Variants in CTNNA2 observed in about 807,000 individuals in gnomAD.
CTNNA2 encodes the protein catenin alpha 2, also known as catenin alpha-2.
In CTNNA2, 42 loss-of-function variants were observed where a neutral mutation model predicts 101.0. The observed-to-expected ratio is 0.42, with a 90% CI of 0.32 to 0.54. The LOEUF (loss-of-function observed/expected upper bound fraction) is 0.54, where lower values mean the gene tolerates loss of function less well. CTNNA2 is among the 20% of genes least tolerant of loss of function. The pLI, the probability that CTNNA2 is intolerant of heterozygous loss-of-function variation, is 0.14. For synonymous variants in CTNNA2, 450 were observed against 456.4 expected (o/e 0.99, Z 0.18); for missense variants, 871 against 1,223.1 (o/e 0.71, Z 4.29).
chr2:80,591,909 C>T (rs1696547114), intron 15 of CTNNA2, among the ~76,000 whole-genome samples: 2 of 152,098 alleles, frequency 1.3e-5, no homozygotes, highest in African/African-American at 4.8e-5. Context: ...GTCTTTTTCC[C>T]ACTCAGTTCT....
rs191159179 is a variant in CTNNA2, at chr2:79,626,315, G to A, written c.-5-25237G>A. Among the ~76,000 whole-genome samples the A allele has an allele frequency of 2.0e-5, 3 of 152,274 alleles. No homozygotes were observed. In the East Asian group the frequency reaches 5.8e-4, roughly 29 times the overall value. ...CTTCAGGCAAGGCTTTTCAGGATAA[G>A]GGATGTGTGATTTTGATGTTGAACC... On this transcript the variant is annotated intron_variant, in intron 1 of 18. Coordinates refer to ENST00000402739, the MANE Select transcript of CTNNA2 (RefSeq NM_001282597.3).
At chr2:79,998,250 T>G (rs1692692681) in intron 7 of CTNNA2, among the ~76,000 whole-genome samples, 1 of 152,212 alleles carries the variant, frequency 6.6e-6, no homozygotes, top group Admixed American at 6.5e-5. Flanking sequence ...TTTAAATACA[T>G]GTCTGTTGCC....
At chr2:79,328,591 A>G (rs147505016) in intron 3 of CTNNA2, among the ~76,000 whole-genome samples, 52 of 152,270 alleles carry the variant, frequency 3.4e-4, no homozygotes, top group African/African-American at 1.2e-3. Context: ...GATGTTGATC[A>G]TGATGATGAT....
intron 1 of CTNNA2, among the ~76,000 whole-genome samples, chr2:79,518,415 A>G (rs1317978608): frequency 3.9e-5 from 6 of 152,236 alleles, no homozygotes; most frequent in African/African-American, 9.6e-5. Flanking sequence ...ATAATAGAAA[A>G]TTAATAGAAA....
chr2:79,419,773 G>A (rs1429665093), intron 4 of CTNNA2, among the ~76,000 whole-genome samples: 2 of 151,984 alleles, frequency 1.3e-5, no homozygotes, highest in South Asian at 2.1e-4. Context: ...TCAAAAACAG[G>A]TATATTCTCT....
At chr2:80,017,014 A>T (rs149937651) in intron 7 of CTNNA2, among the ~76,000 whole-genome samples, 100 of 152,296 alleles carry the variant, frequency 6.6e-4, no homozygotes, top group Non-Finnish European at 1.2e-3. Context: ...CAGGATCCTG[A>T]TTCTATTTGA....
intron 7 of CTNNA2, among the ~76,000 whole-genome samples, chr2:80,229,619 T>G (rs974303846): frequency 1.3e-5 from 2 of 152,118 alleles, no homozygotes; most frequent in African/African-American, 4.8e-5. Flanking sequence ...ACTCCATCCT[T>G]TGGGTTTTAT....
chr2:79,886,296 A>G (rs1396467394), intron 6 of CTNNA2, among the ~76,000 whole-genome samples: 1 of 152,160 alleles, frequency 6.6e-6, no homozygotes, highest in Non-Finnish European at 1.5e-5. Context: ...ATGCAGTTGT[A>G]TGGTGGGTAA....
chr2:80,317,712 T>G (rs1678264958), intron 7 of CTNNA2, among the ~76,000 whole-genome samples: 1 of 152,142 alleles, frequency 6.6e-6, no homozygotes, highest in Non-Finnish European at 1.5e-5. Context: ...ACCACACACA[T>G]TCAGAAATCT....
rs571160208 is a variant in CTNNA2 at position 79,370,497 on chromosome 2, G to A, written c.-317-3334G>A. Among the ~76,000 whole-genome samples the A allele has an allele frequency of 1.7e-3, 262 of 152,336 alleles. 1 individual carries two copies. Among genetic ancestry groups the A allele is most frequent in the Middle Eastern group, 3.4e-3 (1 of 294 alleles). On this transcript the variant is annotated intron_variant, in intron 3 of 21. Coordinates refer to the CTNNA2 transcript ENST00000466387. The stretch of plus-strand genomic sequence containing the variant: ...ATCATTGGAAAAATACTTTCTGAGT[G>A]CTTTCTCTGCCTCTAGCTCTATGCT...
At chr2:80,146,710 G>GT (rs34019123) in intron 7 of CTNNA2, among the ~76,000 whole-genome samples, 8,395 of 61,400 alleles carry the variant, frequency 0.14, 3,017 homozygotes, top group Non-Finnish European at 0.19. Flanking sequence ...GTCCCCTCTG[G>GT]TTTTTTTTTT....
At chr2:79,930,221 T>C (rs1687293660) in intron 7 of CTNNA2, among the ~76,000 whole-genome samples, 1 of 146,902 alleles carries the variant, frequency 6.8e-6, no homozygotes, top group African/African-American at 2.6e-5. Context: ...GTAGCCTGGG[T>C]GACAGAGCGA....
intron 18 of CTNNA2, among the ~76,000 whole-genome samples, chr2:80,642,947 G>C (rs1673652286): frequency 6.6e-6 from 1 of 152,074 alleles, no homozygotes; most frequent in Non-Finnish European, 1.5e-5. Context: ...AAGAAGAGTA[G>C]GAATAGAGGC....
chr2:80,324,914 ACTCCAT>A (rs1679094681), intron 7 of CTNNA2, among the ~76,000 whole-genome samples: 1 of 151,946 alleles, frequency 6.6e-6, no homozygotes, highest in East Asian at 1.9e-4. Context: ...TTCCCTGACC[ACTCCAT>A]CTAAAGAAGG....
At chr2:79,455,350 G>A (rs1278790205) in intron 4 of CTNNA2, among the ~76,000 whole-genome samples, 2 of 152,132 alleles carry the variant, frequency 1.3e-5, no homozygotes, top group Non-Finnish European at 2.9e-5. Context: ...GCAGTTGGAG[G>A]AAAGGAGAAA....
At chr2:79,541,457 T>TAC (rs1553423914) in intron 1 of CTNNA2, among the ~76,000 whole-genome samples, 3 of 138,552 alleles carry the variant, frequency 2.2e-5, no homozygotes, top group East Asian at 2.1e-4. Flanking sequence ...TATATATATA[T>TAC]ACACTCATAT....
intron 7 of CTNNA2, among the ~76,000 whole-genome samples, chr2:80,266,532 T>A (rs549677650): frequency 6.6e-6 from 1 of 152,370 alleles, no homozygotes; most frequent in African/African-American, 2.4e-5. Flanking sequence ...CTTGCTGATT[T>A]GTTATACAAT....
At chr2:80,113,705 T>C (rs894042056) in intron 7 of CTNNA2, among the ~76,000 whole-genome samples, 2 of 152,240 alleles carry the variant, frequency 1.3e-5, no homozygotes, top group Admixed American at 6.5e-5. Flanking sequence ...AGAAAAAGTA[T>C]GGGACCCTTG....
chr2:79,578,864 T>C (rs1284115641), intron 1 of CTNNA2, among the ~76,000 whole-genome samples: 1 of 152,114 alleles, frequency 6.6e-6, no homozygotes, highest in Non-Finnish European at 1.5e-5. Flanking sequence ...GTGTCTTAAA[T>C]GTGGGGCCTC....
Sources: allele counts gnomAD v4.1 joint callset (sites outside exome capture counted in the v4.1 genomes callset), GRCh38; gene constraint gnomAD v4.1.1; transcripts MANE v1.5; gene names NCBI Gene and HGNC (gene_info 2026-07-23, HGNC 2026-07-21).